The following PAFAH1B2 variants were observed in gnomAD, a reference collection of about 807,000 sequenced individuals.
PAFAH1B2 encodes platelet activating factor acetylhydrolase 1b catalytic subunit 2.
A neutral mutation model predicts 28.0 loss-of-function variants in PAFAH1B2; 8 were observed. That is an observed-to-expected ratio of 0.29 (90% CI 0.17 to 0.52). The LOEUF is 0.52. PAFAH1B2 is among the 20% of genes least tolerant of loss of function. PAFAH1B2 has a pLI of 0.97. For synonymous variants in PAFAH1B2, 104 were observed against 103.2 expected (o/e 1.01, Z -0.05); for missense variants, 190 against 282.6 (o/e 0.67, Z 2.35).
At chr11:117,149,168 C>T (rs1956084489) in intron 1 of PAFAH1B2, among the ~76,000 whole-genome samples, 1 of 151,588 alleles carries the variant, frequency 6.6e-6, no homozygotes, top group African/African-American at 2.4e-5. Flanking sequence ...CAGGCGTGAG[C>T]CACTGCGCCC....
chr11:117,161,976 G>A (rs973360280), intron 4 of PAFAH1B2, among the ~76,000 whole-genome samples: 1 of 152,094 alleles, frequency 6.6e-6, no homozygotes, highest in East Asian at 1.9e-4. Context: ...AGTAATCGAG[G>A]CCTGCAAGTT....
intron 1 of PAFAH1B2, among the ~76,000 whole-genome samples, chr11:117,149,667 C>G (rs1474671436): frequency 1.4e-5 from 2 of 143,974 alleles, no homozygotes. Flanking sequence ...CTCCTGACCT[C>G]GTGATCTGCC....
intron 5 of PAFAH1B2, among the ~76,000 whole-genome samples, chr11:117,165,457 ATAGTCATT>A (rs1956484418): frequency 6.6e-6 from 1 of 152,160 alleles, no homozygotes; most frequent in Admixed American, 6.5e-5. Context: ...TGTTAGGAAG[ATAGTCATT>A]TACTCAAAAA....
chr11:117,173,522 TTGAA>T (rs1308908668), downstream of PAFAH1B2, among the ~76,000 whole-genome samples: 2 of 152,190 alleles, frequency 1.3e-5, no homozygotes, highest in African/African-American at 2.4e-5. Flanking sequence ...TTCTTTTTCT[TTGAA>T]TGGATGAGAG....
chr11:117,156,646 T>A (rs1383776580), intron 2 of PAFAH1B2, among the ~76,000 whole-genome samples: 1 of 152,180 alleles, frequency 6.6e-6, no homozygotes, highest in African/African-American at 2.4e-5. Context: ...TATTACACTT[T>A]AGGAGAAAAG....
chr11:117,144,730 C>G (rs546064204), intron 1 of PAFAH1B2, among the ~76,000 whole-genome samples: 2 of 152,036 alleles, frequency 1.3e-5, no homozygotes, highest in Non-Finnish European at 2.9e-5. Flanking sequence ...GAGGGTAGCG[C>G]GGCGGGCGCC....
intron 2 of PAFAH1B2, among the ~76,000 whole-genome samples, chr11:117,156,614 A>C (rs1269794139): frequency 6.6e-6 from 1 of 152,166 alleles, no homozygotes; most frequent in African/African-American, 2.4e-5. Context: ...GGTCCTTTCT[A>C]TTTTTCCAAA....
Position 117,161,274 on chromosome 11 carries a change from T to A in PAFAH1B2, c.288+13T>A. ...TATTAAGCCTAAGGTGAAATGAAAG[T>A]TACTTGTCAATGTCATTAATCTTAA... On this transcript the variant is annotated intron_variant, in intron 4 of 5. Coordinates refer to ENST00000527958, the MANE Select transcript of PAFAH1B2 (RefSeq NM_002572.4). 1 of 1,412,612 alleles carries A rather than the reference T, an allele frequency of 7.1e-7. No individual in the cohort carries two copies. Among genetic ancestry groups the A allele is most frequent in the Non-Finnish European group, 9.7e-7 (1 of 1,032,418 alleles). 87.5% of individuals were successfully genotyped at this position (1,412,612 alleles called of 1,614,324 possible). A position where few individuals can be genotyped will look rare whatever the true frequency, so the allele number is the denominator to read the frequency against.
chr11:117,157,631 A>G (rs958980644), intron 2 of PAFAH1B2, among the ~76,000 whole-genome samples: 4 of 152,174 alleles, frequency 2.6e-5, no homozygotes, highest in Admixed American at 6.6e-5. Flanking sequence ...TGAGAAAAGG[A>G]AACAGCATTG....
rs1183052183 is a variant in PAFAH1B2, at chr11:117,168,431, TC to T, written c.*738del. 3.9e-5 allele frequency: 28 copies of T among 722,372 alleles called. 1 individual carries two copies. The Middle Eastern group carries it at 2.6e-3, about 66-fold the overall frequency. The allele number at this position is 722,372 out of a possible 1,614,324, so 44.7% of individuals were successfully genotyped here. On this transcript the variant is annotated 3_prime_UTR_variant, in exon 6 of 6. Coordinates refer to ENST00000527958, the MANE Select transcript of PAFAH1B2 (RefSeq NM_002572.4). ...CTTCATGCCCCCCTTTCCCCTTCAT[TC>T]CCCCCGCCACCCCGTTTTTTTTTTT...
Position 117,167,728 on chromosome 11 carries a change from C to G in PAFAH1B2, c.*29C>G, listed in dbSNP as rs1261978239. ...GCTCTTATCAGTGTTAATAGCATCT[C>G]AGCTTCCTCAGATCAGTTCTATCAC... On this transcript the variant is annotated 3_prime_UTR_variant, in exon 6 of 6. Transcript: ENST00000527958. 4.7e-6 allele frequency: 7 copies of G among 1,489,420 alleles called. No homozygotes were observed. In the South Asian group the frequency reaches 1.1e-4, roughly 22 times the overall value. The allele number at this position is 1,489,420 out of a possible 1,614,324, so 92.3% of individuals were successfully genotyped here. A position where few individuals can be genotyped will look rare whatever the true frequency, so the allele number is the denominator to read the frequency against.
At position 117,152,473 on chromosome 11, in the gene PAFAH1B2, C is replaced by T; in HGVS notation, c.26C>T (p.Ala9Val). 6.2e-7 allele frequency: 1 copy of T among 1,613,756 alleles called. No individual in the cohort carries two copies. Among genetic ancestry groups the T allele is most frequent in the Non-Finnish European group, 8.5e-7 (1 of 1,179,648 alleles). Residue 9 changes from alanine to valine, a missense_variant, in exon 2 of 6, where the codon GCA becomes GTA. Coordinates refer to ENST00000527958, the MANE Select transcript of PAFAH1B2 (RefSeq NM_002572.4). MSQGDSNP[A>V]AIPHAAEDIQ... The stretch of plus-strand genomic sequence containing the variant: ...ATGAGCCAAGGAGACTCAAACCCAG[C>T]AGCTATTCCGCATGCAGCAGAAGAT...
chr11:117,159,617 C>A (rs1956325041), intron 2 of PAFAH1B2: 1 of 245,802 alleles, frequency 4.1e-6, no homozygotes. Flanking sequence ...AGCCTATAAT[C>A]CCAGCTATTC....
chr11:117,149,476 G>C (rs1172221872), intron 1 of PAFAH1B2, among the ~76,000 whole-genome samples: 2 of 117,178 alleles, frequency 1.7e-5, no homozygotes, highest in Admixed American at 2.4e-4. Flanking sequence ...CCCCAGGCTG[G>C]AGTGCAGTGG....
In PAFAH1B2 at chr11:117,169,764, T is replaced by G. The variant is rs554259808; in HGVS notation, c.*2065T>G. Reference sequence around the variant, plus strand: ...GATTTTTTTCTTAGCTGAGGTATAGTTGTATAGCAAGAAGAATTAAGCCAG... The same window carrying G: ...GATTTTTTTCTTAGCTGAGGTATAGGTGTATAGCAAGAAGAATTAAGCCAG... On this transcript the variant is annotated 3_prime_UTR_variant, in exon 6 of 6. Coordinates refer to ENST00000527958, the MANE Select transcript of PAFAH1B2 (RefSeq NM_002572.4). 9.5e-6 allele frequency: 10 copies of G among 1,057,458 alleles called. No homozygotes were observed. The South Asian group carries it at 4.6e-4, about 48-fold the overall frequency. 65.5% of individuals were successfully genotyped at this position (1,057,458 alleles called of 1,614,324 possible).
rs1443075713 is a variant in PAFAH1B2, at chr11:117,168,299, A to C, written c.*600A>C. The C allele has an allele frequency of 7.5e-6, 8 of 1,063,834 alleles. No individual in the cohort carries two copies. The highest frequency in any genetic ancestry group is 1.6e-5 in the African/African-American group (1 of 60,944). 65.9% of individuals were successfully genotyped at this position (1,063,834 alleles called of 1,614,324 possible). ...TCTTTTCCATGCTTAGCAGTGAAAA[A>C]CAGGTTTTGCCCCAGTAGAGGGATT... On this transcript the variant is annotated 3_prime_UTR_variant, in exon 6 of 6. Coordinates refer to ENST00000527958, the MANE Select transcript of PAFAH1B2 (RefSeq NM_002572.4).
Position 117,163,822 on chromosome 11 carries a change from TAGC to T in PAFAH1B2, c.344_346del (p.Ala115del). 6.2e-7 allele frequency: 1 copy of T among 1,613,996 alleles called. No homozygotes were observed. Among genetic ancestry groups the T allele is most frequent in the Non-Finnish European group, 8.5e-7 (1 of 1,179,904 alleles). On this transcript the variant is annotated inframe_deletion, in exon 5 of 6. Coordinates refer to ENST00000527958, the MANE Select transcript of PAFAH1B2 (RefSeq NM_002572.4). ...AACCACGAAAATACAGCAGAAGAAG[TAGC>T]AGGTGGGATCGAGGCCATTGTACAA... is the stretch of plus-strand genomic sequence containing the variant.
chr11:117,153,331 G>A (rs900765796), intron 2 of PAFAH1B2, among the ~76,000 whole-genome samples: 18 of 151,908 alleles, frequency 1.2e-4, no homozygotes, highest in Non-Finnish European at 2.9e-5. Flanking sequence ...ACATTTTACC[G>A]TATCTGCCTA....
intron 1 of PAFAH1B2, among the ~76,000 whole-genome samples, chr11:117,144,996 T>TTC (rs931317351): frequency 2.6e-5 from 4 of 152,222 alleles, no homozygotes; most frequent in Non-Finnish European, 5.9e-5. Flanking sequence ...CTTTAGAAAC[T>TTC]TCTCCGTTGC....
Sources: gnomAD v4.1 joint callset for allele counts (sites outside exome capture counted in the v4.1 genomes callset) on GRCh38, gnomAD v4.1.1 for gene constraint, MANE v1.5 for transcripts, NCBI Gene and HGNC (gene_info 2026-07-23, HGNC 2026-07-21) for gene names.